The following KIF13A variants were observed in gnomAD, a reference collection of about 807,000 sequenced individuals.
The protein encoded by KIF13A is kinesin-like protein KIF13A.
Under a neutral mutation model 212.2 loss-of-function variants are expected in KIF13A, and 79 were observed. The ratio of observed to expected loss-of-function variants is 0.37; its 90% CI spans 0.31 to 0.45. KIF13A has a LOEUF of 0.45. KIF13A is among the 20% of genes least tolerant of loss of function. The pLI is 1.00. For synonymous variants in KIF13A, 789 were observed against 808.6 expected, an observed-to-expected ratio of 0.98 and a Z score of 0.41; for missense variants, 1,901 against 2,209.0, an observed-to-expected ratio of 0.86 and a Z score of 2.79.
intron 9 of KIF13A, among the ~76,000 whole-genome samples, chr6:17,842,120 C>G (rs1193910418): frequency 6.6e-6 from 1 of 151,932 alleles, no homozygotes; most frequent in Non-Finnish European, 1.5e-5. Flanking sequence ...ACAATCCTGG[C>G]TCACTGCAGC....
intron 7 of KIF13A, 150 bp downstream of exon 7, chr6:17,851,805 C>T (rs1467017034): frequency 4.8e-6 from 2 of 420,138 alleles, no homozygotes; most frequent in East Asian, 3.6e-5. Context: ...AGCCCTTTTC[C>T]TCTCTGTTTG....
At chr6:17,896,940 A>G (rs1772623113) in intron 3 of KIF13A, among the ~76,000 whole-genome samples, 1 of 152,198 alleles carries the variant, frequency 6.6e-6, no homozygotes, top group South Asian at 2.1e-4. Flanking sequence ...GCACTTATAC[A>G]TTCCAGTAGA....
At chr6:17,972,523 ATG>A (rs1779894075) in intron 2 of KIF13A, among the ~76,000 whole-genome samples, 1 of 152,218 alleles carries the variant, frequency 6.6e-6, no homozygotes, top group South Asian at 2.1e-4. Flanking sequence ...CTAGAACAGA[ATG>A]TAAGTATGTT....
intron 3 of KIF13A, among the ~76,000 whole-genome samples, chr6:17,893,501 C>T (rs1456076034): frequency 6.6e-6 from 1 of 152,120 alleles, no homozygotes; most frequent in Non-Finnish European, 1.5e-5. Flanking sequence ...TAAGGTTTTC[C>T]AAGTATACAA....
intron 16 of KIF13A, among the ~76,000 whole-genome samples, chr6:17,818,124 A>G (rs983950592): frequency 4.6e-5 from 7 of 152,334 alleles, no homozygotes; most frequent in South Asian, 2.1e-4. Flanking sequence ...GACAATCTCA[A>G]TAGTAGAACA....
In KIF13A at chr6:17,769,908, A is replaced by G. The variant is rs2150289840; in HGVS notation, c.4581+1206T>C. Among the ~76,000 whole-genome samples, 1 of 152,290 alleles carries G rather than the reference A, an allele frequency of 6.6e-6. No homozygotes were observed. Among genetic ancestry groups the G allele is most frequent in the Non-Finnish European group, 1.5e-5 (1 of 68,028 alleles). ...ATTCTTCTCCATCAGGAACTAGGAC[A>G]GGGCTTTGGGATAGAGGGACAAGGA... On this transcript the variant is annotated intron_variant, in intron 38 of 38. Transcript: ENST00000259711. The surrounding 1 kb of genome is among the most constrained non-coding windows in gnomAD (Gnocchi z 5.8).
At position 17,804,403 on chromosome 6, in the gene KIF13A, C is replaced by G. The variant is rs1302200215; in HGVS notation, c.2412G>C (p.Val804=). ...TGATAGGGACTGCATACTGAAGTTT[C>G]ACATCACAGAAGAGGCATTCCAAGA... ...NVFLECLFCD[V]KLQYAVPIIS... The change falls in exon 20 of 39, where the codon GTG becomes GTC. Residue 804 remains valine, a synonymous_variant. Coordinates refer to ENST00000259711, the MANE Select transcript of KIF13A (RefSeq NM_022113.6). 1.9e-5 allele frequency: 30 copies of G among 1,555,156 alleles called. No homozygotes were observed. Among genetic ancestry groups the G allele is most frequent in the Non-Finnish European group, 2.3e-5 (26 of 1,148,694 alleles).
chr6:17,975,642 T>C (rs1320950144), intron 2 of KIF13A, among the ~76,000 whole-genome samples: 1 of 152,206 alleles, frequency 6.6e-6, no homozygotes, highest in Non-Finnish European at 1.5e-5. Flanking sequence ...CCCACCCGCA[T>C]CCTGCTGATT....
chr6:17,975,849 G>A (rs2150624185), intron 2 of KIF13A, among the ~76,000 whole-genome samples: 1 of 152,310 alleles, frequency 6.6e-6, no homozygotes. Context: ...TAGACATAGG[G>A]TGCTAATTGG....
chr6:17,830,235 A>G (rs1765323061), intron 13 of KIF13A, among the ~76,000 whole-genome samples: 1 of 152,212 alleles, frequency 6.6e-6, no homozygotes, highest in Admixed American at 6.5e-5. Context: ...AACTACTTCA[A>G]TAGAAACATG....
intron 9 of KIF13A, among the ~76,000 whole-genome samples, chr6:17,848,079 T>G (rs1213438746): frequency 6.6e-6 from 1 of 152,198 alleles, no homozygotes; most frequent in Non-Finnish European, 1.5e-5. Context: ...CCCAAAGTGC[T>G]AGGATTACAG....
Position 17,764,081 on chromosome 6 carries a change from C to T in KIF13A, c.*29G>A. 6.3e-7 allele frequency: 1 copy of T among 1,599,008 alleles called. No homozygotes were observed. The highest frequency in any genetic ancestry group is 8.5e-7 in the Non-Finnish European group (1 of 1,171,024). On this transcript the variant is annotated 3_prime_UTR_variant, in exon 39 of 39. Coordinates refer to ENST00000259711, the MANE Select transcript of KIF13A (RefSeq NM_022113.6). The surrounding 1 kb of genome is among the most constrained non-coding windows in gnomAD (Gnocchi z 5.1). Reference sequence around the variant, plus strand: ...CTACCAAGTTGTTGCGGTGAAGGGCCTCTGGGGTTGACATACAGTTAGACA... The same window carrying T: ...CTACCAAGTTGTTGCGGTGAAGGGCTTCTGGGGTTGACATACAGTTAGACA...
chr6:17,813,640 G>A (rs1366900063), intron 17 of KIF13A, among the ~76,000 whole-genome samples: 2 of 152,004 alleles, frequency 1.3e-5, no homozygotes, highest in Admixed American at 6.6e-5. Context: ...TTGCGCTGCA[G>A]GGCAGGGTTC....
chr6:17,970,743 C>G (rs1779744612), intron 2 of KIF13A, among the ~76,000 whole-genome samples: 2 of 152,160 alleles, frequency 1.3e-5, no homozygotes, highest in African/African-American at 4.8e-5. Flanking sequence ...TAGTGATAGG[C>G]TCAGATAGGA....
chr6:17,821,641 G>A lies in KIF13A; in HGVS notation c.1786+4127C>T. On this transcript the variant is annotated intron_variant, in intron 16 of 38. Transcript: ENST00000259711. Reference sequence around the variant, plus strand: ...GGAACATTCCTCAATGAAGAATACAGAACACCTTCATCAGCCAGAAAACTC... The same window carrying A: ...GGAACATTCCTCAATGAAGAATACAAAACACCTTCATCAGCCAGAAAACTC... 2 of 754,384 alleles carry A rather than the reference G, an allele frequency of 2.7e-6. 1 individual carries two copies. The highest frequency in any genetic ancestry group is 3.7e-5 in the South Asian group (2 of 54,414). 46.7% of individuals were successfully genotyped at this position (754,384 alleles called of 1,614,324 possible). A position where few individuals can be genotyped will look rare whatever the true frequency, so the allele number is the denominator to read the frequency against.
intron 7 of KIF13A, 37 bp downstream of exon 7, chr6:17,851,918 G>A (rs746256089): frequency 9.1e-7 from 1 of 1,096,076 alleles, no homozygotes; most frequent in Non-Finnish European, 1.3e-6. Context: ...TTGATTTATA[G>A]TCAGCTTTTA....
intron 2 of KIF13A, among the ~76,000 whole-genome samples, chr6:17,975,484 G>A (rs903382793): frequency 9.9e-5 from 15 of 152,126 alleles, no homozygotes; most frequent in African/African-American, 2.7e-4. Context: ...GAGCGTTACA[G>A]CTTATAAAGA....
chr6:17,946,427 A>G (rs1777402630), intron 2 of KIF13A, among the ~76,000 whole-genome samples: 1 of 151,756 alleles, frequency 6.6e-6, no homozygotes, highest in South Asian at 2.1e-4. Flanking sequence ...ACACCAAGGA[A>G]TCAATTTTAA....
intron 4 of KIF13A, among the ~76,000 whole-genome samples, chr6:17,870,431 G>A (rs561184804): frequency 1.3e-5 from 2 of 151,868 alleles, no homozygotes; most frequent in East Asian, 1.9e-4. Flanking sequence ...TCATCTGTAT[G>A]TAATGAAGTC....
Sources: gnomAD v4.1 joint callset for allele counts (sites outside exome capture counted in the v4.1 genomes callset) on GRCh38, gnomAD v4.1.1 for gene constraint, Gnocchi (gnomAD v3.1) non-coding constraint, MANE v1.5 for transcripts, NCBI Gene and HGNC (gene_info 2026-07-23, HGNC 2026-07-21) for gene names.